DLG2: variants seen among roughly 807,000 people sequenced by gnomAD.
DLG2 encodes the protein discs large MAGUK scaffold protein 2, also known as disks large homolog 2.
Under a neutral mutation model 132.5 loss-of-function variants are expected in DLG2, and 45 were observed. That is an observed-to-expected ratio of 0.34 (90% CI 0.27 to 0.44). The LOEUF (loss-of-function observed/expected upper bound fraction) is 0.44. Ranked by LOEUF, DLG2 falls within the 20% of genes least tolerant of loss-of-function variation. DLG2 has a pLI of 1.00. For missense variants in DLG2, 1,045 were observed against 1,196.9 expected (o/e 0.87, Z 1.87); for synonymous variants, 424 against 419.6 (o/e 1.01, Z -0.13).
intron 21 of DLG2, among the ~76,000 whole-genome samples, chr11:83,498,243 A>C (rs138942480): frequency 6.6e-6 from 1 of 152,184 alleles, no homozygotes; most frequent in Admixed American, 6.5e-5. Context: ...TAACATATTA[A>C]TAGCTCTCAC....
At chr11:84,543,401 T>C (rs1280175562) in intron 6 of DLG2, among the ~76,000 whole-genome samples, 1 of 152,192 alleles carries the variant, frequency 6.6e-6, no homozygotes, top group Non-Finnish European at 1.5e-5. Flanking sequence ...CGCACACTGC[T>C]CCCTGCTTCA....
chr11:83,859,823 TG>T (rs1053554124), intron 16 of DLG2, among the ~76,000 whole-genome samples: 3 of 151,732 alleles, frequency 2.0e-5, no homozygotes, highest in Non-Finnish European at 4.4e-5. Context: ...GGGGAAAAAA[TG>T]GTTTTGTCGG....
At chr11:83,574,531 A>G (rs776009725) in intron 19 of DLG2, among the ~76,000 whole-genome samples, 1 of 152,102 alleles carries the variant, frequency 6.6e-6, no homozygotes, top group Non-Finnish European at 1.5e-5. Context: ...TTCTCAAGTC[A>G]CCTTTGTAAG....
At chr11:84,505,065 T>G (rs2099234922) in intron 7 of DLG2, among the ~76,000 whole-genome samples, 1 of 152,160 alleles carries the variant, frequency 6.6e-6, no homozygotes, top group Non-Finnish European at 1.5e-5. Flanking sequence ...TCATGAGAAC[T>G]AGCTTCGTTG....
At position 85,222,111 on chromosome 11, in the gene DLG2, C is replaced by T. The variant is rs570817952; in HGVS notation, c.186+63109G>A. 1.2e-3 allele frequency among the ~76,000 whole-genome samples: 183 copies of T among 151,770 alleles called. 2 individuals are homozygous for T. Among genetic ancestry groups the T allele is most frequent in the African/African-American group, 4.2e-3 (172 of 41,396 alleles). On this transcript the variant is annotated intron_variant, in intron 4 of 27. Coordinates refer to ENST00000376104, the MANE Select transcript of DLG2 (RefSeq NM_001142699.3). ...GCTCCACCACACCGAGCTAACATTTCGGTTTTTTGTTTGTTTGTTTGTTTG... is the reference window on the plus strand; with the variant it reads ...GCTCCACCACACCGAGCTAACATTTTGGTTTTTTGTTTGTTTGTTTGTTTG...
chr11:85,438,573 G>A (rs1242459454), intron 3 of DLG2, among the ~76,000 whole-genome samples: 2 of 151,964 alleles, frequency 1.3e-5, no homozygotes, highest in Admixed American at 1.3e-4. Flanking sequence ...TTCACCCAAT[G>A]GAAATATTTC....
intron 7 of DLG2, among the ~76,000 whole-genome samples, chr11:84,458,890 C>T (rs139574177): frequency 1.1e-4 from 16 of 150,686 alleles, no homozygotes; most frequent in Admixed American, 2.0e-4. Context: ...AAGCAGTACA[C>T]GAAATTCTTT....
intron 2 of DLG2, among the ~76,000 whole-genome samples, chr11:85,608,658 C>A (rs568522069): frequency 1.6e-4 from 25 of 152,160 alleles, no homozygotes; most frequent in African/African-American, 4.6e-4. Flanking sequence ...GACCACAAAA[C>A]CCCCCAGGCT....
intron 3 of DLG2, among the ~76,000 whole-genome samples, chr11:85,485,517 C>T (rs2093410240): frequency 2.0e-5 from 3 of 152,108 alleles, no homozygotes; most frequent in Admixed American, 2.0e-4. Flanking sequence ...AATAGATCAT[C>T]TAAGAGAGAC....
intron 3 of DLG2, among the ~76,000 whole-genome samples, chr11:85,430,047 T>C (rs2091057298): frequency 1.3e-5 from 2 of 152,166 alleles, no homozygotes; most frequent in South Asian, 4.1e-4. Flanking sequence ...GATGAGTTCA[T>C]GTCCTTTGTA....
At chr11:83,729,528 A>G (rs958600856) in intron 18 of DLG2, among the ~76,000 whole-genome samples, 4 of 152,232 alleles carry the variant, frequency 2.6e-5, no homozygotes, top group African/African-American at 7.2e-5. Context: ...GCCTGGAGAT[A>G]GTACACATGT....
At chr11:84,803,927 G>T (rs943228096) in intron 6 of DLG2, among the ~76,000 whole-genome samples, 3 of 152,154 alleles carry the variant, frequency 2.0e-5, no homozygotes, top group African/African-American at 7.2e-5. Flanking sequence ...GAGCCTGATA[G>T]ATAACTAAAT....
At chr11:84,444,268 TG>T (rs906119162) in intron 7 of DLG2, among the ~76,000 whole-genome samples, 3 of 152,150 alleles carry the variant, frequency 2.0e-5, no homozygotes, top group African/African-American at 7.2e-5. Flanking sequence ...TCATTGGTGC[TG>T]GGCTTATATC....
At chr11:84,284,597 CA>C (rs1373795921) in intron 7 of DLG2, among the ~76,000 whole-genome samples, 1 of 152,184 alleles carries the variant, frequency 6.6e-6, no homozygotes, top group African/African-American at 2.4e-5. Context: ...CATAGTTCTG[CA>C]GAATGCTAGA....
intron 6 of DLG2, among the ~76,000 whole-genome samples, chr11:84,764,553 C>A: frequency 6.6e-6 from 1 of 151,938 alleles, no homozygotes; most frequent in East Asian, 1.9e-4. Context: ...GTTAGTATCT[C>A]CATTCTAAAG....
intron 3 of DLG2, among the ~76,000 whole-genome samples, chr11:85,563,658 C>A (rs1200297014): frequency 1.4e-5 from 2 of 147,394 alleles, no homozygotes; most frequent in Non-Finnish European, 3.1e-5. Flanking sequence ...GAATTTCATT[C>A]CTTTTTATTG....
intron 3 of DLG2, among the ~76,000 whole-genome samples, chr11:85,287,053 T>C (rs1459081574): frequency 6.6e-6 from 1 of 151,748 alleles, no homozygotes; most frequent in African/African-American, 2.4e-5. Flanking sequence ...AAGGGATGAG[T>C]AGGAGGGATT....
intron 4 of DLG2, among the ~76,000 whole-genome samples, chr11:85,156,744 C>G (rs2077615707): frequency 6.6e-6 from 1 of 152,212 alleles, no homozygotes; most frequent in Non-Finnish European, 1.5e-5. Context: ...CATCCACCAT[C>G]ATAGACTAAG....
chr11:85,612,257 CA>C, intron 2 of DLG2, among the ~76,000 whole-genome samples: 1 of 152,136 alleles, frequency 6.6e-6, no homozygotes. Flanking sequence ...GCCTTCCTAT[CA>C]AAAATCCTTA....
Sources: gnomAD v4.1 joint callset for allele counts (sites outside exome capture counted in the v4.1 genomes callset) on GRCh38, gnomAD v4.1.1 for gene constraint, MANE v1.5 for transcripts, NCBI Gene and HGNC (gene_info 2026-07-23, HGNC 2026-07-21) for gene names.